NREP: variants seen among roughly 807,000 people sequenced by gnomAD.
The protein encoded by NREP is neuronal regeneration related protein, also known as neuronal regeneration-related protein.
In NREP, 5 loss-of-function variants were observed where a neutral mutation model predicts 8.6. That is an observed-to-expected ratio of 0.58 (90% confidence interval 0.30 to 1.22). NREP has a LOEUF of 1.22. Among genes scored for constraint, NREP ranks in the 50% most tolerant of loss-of-function variants. The pLI is 0.07. For missense variants in NREP, 86 were observed against 82.5 expected (o/e 1.04, Z -0.17); for synonymous variants, 27 against 28.0 (o/e 0.96, Z 0.11).
chr5:111,792,979 A>G (rs1264945296), intron 2 of NREP, among the ~76,000 whole-genome samples: 1 of 152,110 alleles, frequency 6.6e-6, no homozygotes, highest in East Asian at 1.9e-4. Flanking sequence ...GTTGAACATC[A>G]CTATGCAAAG....
At chr5:111,780,426 A>T (rs1276449504) in intron 2 of NREP, among the ~76,000 whole-genome samples, 2 of 152,200 alleles carry the variant, frequency 1.3e-5, no homozygotes, top group Non-Finnish European at 2.9e-5. Flanking sequence ...AAAGCTCTGG[A>T]ACACAGGAAA....
intron 2 of NREP, among the ~76,000 whole-genome samples, chr5:111,946,451 C>G (rs1755986510): frequency 6.6e-6 from 1 of 151,962 alleles, no homozygotes; most frequent in South Asian, 2.1e-4. Context: ...AATAACAAAA[C>G]CAGAAAATAC....
chr5:111,847,051 C>G (rs994060060), intron 2 of NREP, among the ~76,000 whole-genome samples: 2 of 151,846 alleles, frequency 1.3e-5, no homozygotes, highest in African/African-American at 4.8e-5. Context: ...ATGAGAAAGA[C>G]CTAAGCTGCT....
At chr5:111,737,899 T>G (rs147548195) in intron 2 of NREP, among the ~76,000 whole-genome samples, 6 of 152,248 alleles carry the variant, frequency 3.9e-5, no homozygotes, top group Admixed American at 6.5e-5. Flanking sequence ...ACATTAGGCA[T>G]TTTTTAGTAT....
intron 2 of NREP, among the ~76,000 whole-genome samples, chr5:111,871,878 A>G (rs1753799279): frequency 7.0e-6 from 1 of 143,036 alleles, no homozygotes; most frequent in Non-Finnish European, 1.6e-5. Flanking sequence ...ATATATATGA[A>G]AATCTCGTTC....
intron 2 of NREP, among the ~76,000 whole-genome samples, chr5:111,740,700 TCAAA>T (rs1422600258): frequency 6.6e-6 from 1 of 152,208 alleles, no homozygotes; most frequent in Admixed American, 6.5e-5. Context: ...AAATTATTTT[TCAAA>T]CACTTTTTAA....
intron 2 of NREP, among the ~76,000 whole-genome samples, chr5:111,883,789 C>T (rs1330136656): frequency 1.3e-5 from 2 of 151,926 alleles, no homozygotes; most frequent in Non-Finnish European, 2.9e-5. Context: ...AACAAAGACA[C>T]AACATACCAG....
intron 2 of NREP, among the ~76,000 whole-genome samples, chr5:111,965,601 A>G (rs1466848084): frequency 2.0e-5 from 3 of 152,064 alleles, no homozygotes; most frequent in African/African-American, 7.2e-5. Flanking sequence ...CATCTCCCCT[A>G]TCTTCCCCTA....
intron 2 of NREP, among the ~76,000 whole-genome samples, chr5:111,951,185 T>C (rs539863667): frequency 6.6e-6 from 1 of 152,244 alleles, no homozygotes; most frequent in South Asian, 2.1e-4. Flanking sequence ...CATTTATTTA[T>C]AGTGCTATGG....
chr5:111,743,450 C>A (rs1749809089), intron 2 of NREP, among the ~76,000 whole-genome samples: 1 of 152,144 alleles, frequency 6.6e-6, no homozygotes, highest in South Asian at 2.1e-4. Context: ...CATCTGAGTT[C>A]TAAGTCTGGC....
At chr5:111,930,917 T>A (rs1365890723) in intron 2 of NREP, among the ~76,000 whole-genome samples, 1 of 152,140 alleles carries the variant, frequency 6.6e-6, no homozygotes, top group East Asian at 1.9e-4. Flanking sequence ...CACAATCCAC[T>A]TGTCCTGCTG....
chr5:111,742,435 A>G (rs1715951490), intron 2 of NREP, among the ~76,000 whole-genome samples: 3 of 152,118 alleles, frequency 2.0e-5, no homozygotes, highest in African/African-American at 2.4e-5. Flanking sequence ...CAACAAAATG[A>G]AAGTGTTTAC....
chr5:111,942,561 A>G (rs1755858041), intron 2 of NREP, among the ~76,000 whole-genome samples: 1 of 152,046 alleles, frequency 6.6e-6, no homozygotes, highest in Non-Finnish European at 1.5e-5. Context: ...AATCAGGGAC[A>G]GGGTACAAAA....
intron 2 of NREP, among the ~76,000 whole-genome samples, chr5:111,814,895 T>C (rs1055087427): frequency 1.3e-5 from 2 of 151,120 alleles, no homozygotes; most frequent in Admixed American, 6.6e-5. Flanking sequence ...TAAGGAAGCG[T>C]TGAGGTCAGA....
chr5:111,929,131 T>G (rs774601937), intron 2 of NREP, among the ~76,000 whole-genome samples: 1 of 152,184 alleles, frequency 6.6e-6, no homozygotes, highest in Non-Finnish European at 1.5e-5. Flanking sequence ...ATGGTACTAA[T>G]AGTTTAGATT....
At chr5:111,778,321 T>C (rs1751411629) in intron 2 of NREP, among the ~76,000 whole-genome samples, 1 of 152,194 alleles carries the variant, frequency 6.6e-6, no homozygotes, top group Non-Finnish European at 1.5e-5. Flanking sequence ...GTGCTTTATA[T>C]GCATCATAGT....
intron 2 of NREP, among the ~76,000 whole-genome samples, chr5:111,814,215 T>C (rs1160840338): frequency 6.6e-6 from 1 of 152,076 alleles, no homozygotes; most frequent in Non-Finnish European, 1.5e-5. Context: ...TATATTTACT[T>C]AGGACACTGA....
rs529306262 is a variant in NREP, at chr5:111,771,507, A to C, written c.136-36000T>G. ...TTTATGTGCGGTGGCTCATGCCTGT[A>C]ATCCCAGCATTTTGGTAGGCTGAGG... is the stretch of plus-strand genomic sequence containing the variant. On this transcript the variant is annotated intron_variant, in intron 2 of 3. Transcript: ENST00000395634. Among the ~76,000 whole-genome samples the C allele has an allele frequency of 2.6e-5, 4 of 152,154 alleles. No individual in the cohort carries two copies. The East Asian group carries it at 7.7e-4, about 29-fold the overall frequency.
intron 2 of NREP, among the ~76,000 whole-genome samples, chr5:111,887,073 G>T (rs961288245): frequency 6.6e-6 from 1 of 151,798 alleles, no homozygotes; most frequent in Non-Finnish European, 1.5e-5. Flanking sequence ...ACAGGTGCAT[G>T]CCACTATGCC....
Sources: gnomAD v4.1 joint callset for allele counts (sites outside exome capture counted in the v4.1 genomes callset) on GRCh38, gnomAD v4.1.1 for gene constraint, MANE v1.5 for transcripts, NCBI Gene and HGNC (gene_info 2026-07-23, HGNC 2026-07-21) for gene names.